LPA: variants seen among roughly 807,000 people sequenced by gnomAD.
The protein encoded by LPA is apolipoprotein(a).
LPA carries 199 observed loss-of-function variants against 197.9 expected under a neutral mutation model. The ratio of observed to expected loss-of-function variants is 1.01; its 90% confidence interval spans 0.90 to 1.13. LPA has a LOEUF of 1.13. LPA is among the 50% of genes most tolerant of loss of function. LPA has a pLI of 0.00. For synonymous variants in LPA, 715 were observed against 639.5 expected (o/e 1.12, Z -1.78); for missense variants, 1,853 against 1,785.8 (o/e 1.04, Z -0.68).
rs76116530 is a variant in LPA at position 160,544,713 on chromosome 6, G to A, written c.5398+727C>T. 4.1e-3 allele frequency among the ~76,000 whole-genome samples: 631 copies of A among 152,240 alleles called. 8 individuals are homozygous for A. The highest frequency in any genetic ancestry group is 0.015 in the African/African-American group (619 of 41,532). On this transcript the variant is annotated intron_variant, in intron 33 of 38. Coordinates refer to ENST00000316300, the MANE Select transcript of LPA (RefSeq NM_005577.4). ...AGTCCAGGGTGGTGTTCTGTAACTC[G>A]GACAGACAAGTTGATTGGTCAGCAG...
intron 26 of LPA, among the ~76,000 whole-genome samples, chr6:160,579,849 G>A (rs997807531): frequency 6.6e-6 from 1 of 152,188 alleles, no homozygotes; most frequent in African/African-American, 2.4e-5. Flanking sequence ...AAGTGATGTA[G>A]CACCTGAAAC....
chr6:160,651,329 G>A (rs1780002222), intron 1 of LPA, among the ~76,000 whole-genome samples: 1 of 152,196 alleles, frequency 6.6e-6, no homozygotes, highest in Non-Finnish European at 1.5e-5. Context: ...TGTAGTGCAG[G>A]CATGCAGTGA....
chr6:160,577,336 G>A (rs780346558), intron 27 of LPA, 41 bp from the exon 28 acceptor site: 1 of 1,590,568 alleles, frequency 6.3e-7, no homozygotes, highest in Non-Finnish European at 8.6e-7. Context: ...GTAATTGCAT[G>A]AGCAGAGAAA....
chr6:160,552,068 A>G (rs978299189), intron 30 of LPA, among the ~76,000 whole-genome samples: 34 of 152,078 alleles, frequency 2.2e-4, no homozygotes, highest in Non-Finnish European at 1.6e-4. Context: ...GCAAGTCATC[A>G]CATCGATCTA....
chr6:160,548,360 G>T (rs969800525), intron 31 of LPA, 118 bp downstream of exon 31: 1 of 1,021,058 alleles, frequency 9.8e-7, no homozygotes, highest in African/African-American at 1.6e-5. Flanking sequence ...ACCAACACTC[G>T]AGCTCCCGTG....
chr6:160,594,053 G>C lies in LPA; in HGVS notation c.3534C>G (p.Gly1178=). ...CYHGDGQSYR[G]SFSTTVTGRT... ...TTCCTGTGACAGTGGTAGAGAATGA[G>C]CCTCGATAACTCTGTCCATCACCAT... is the stretch of plus-strand genomic sequence containing the variant. Residue 1178 remains glycine (G), a synonymous_variant, in exon 22 of 39, where the codon GGC becomes GGG. Coordinates refer to ENST00000316300, the MANE Select transcript of LPA (RefSeq NM_005577.4). 6.2e-7 allele frequency: 1 copy of C among 1,613,982 alleles called. No individual in the cohort carries two copies.
At chr6:160,533,192 G>A (rs370507599) in intron 37 of LPA, among the ~76,000 whole-genome samples, 2 of 152,092 alleles carry the variant, frequency 1.3e-5, no homozygotes, top group Admixed American at 6.5e-5. Flanking sequence ...ATATGGTGAC[G>A]GTTGCACACC....
At chr6:160,579,508 A>G (rs1199741786) in intron 26 of LPA, among the ~76,000 whole-genome samples, 2 of 152,170 alleles carry the variant, frequency 1.3e-5, no homozygotes, top group African/African-American at 4.8e-5. Context: ...GCATAAAGGG[A>G]GACGGCTAGG....
At chr6:160,646,967 G>T (rs1490525746) in intron 2 of LPA, among the ~76,000 whole-genome samples, 1 of 152,136 alleles carries the variant, frequency 6.6e-6, no homozygotes, top group Non-Finnish European at 1.5e-5. Flanking sequence ...CCATGGAAAA[G>T]CATTGTGCAA....
intron 25 of LPA, 51 bp from the exon 26 acceptor site, chr6:160,585,256 G>A (rs191418928): frequency 6.3e-6 from 10 of 1,592,380 alleles, no homozygotes. Flanking sequence ...AAAGGGAAAT[G>A]TGAAAAAAAT....
intron 36 of LPA, among the ~76,000 whole-genome samples, chr6:160,538,257 G>A (rs1777923839): frequency 6.6e-6 from 1 of 152,200 alleles, no homozygotes; most frequent in African/African-American, 2.4e-5. Context: ...TATATTCTGT[G>A]CACGATTGGA....
At chr6:160,597,541 T>C (rs1182064701) in intron 20 of LPA, among the ~76,000 whole-genome samples, 1 of 152,234 alleles carries the variant, frequency 6.6e-6, no homozygotes, top group Non-Finnish European at 1.5e-5. Flanking sequence ...ATTTTTCAGT[T>C]AATTTTTTCC....
chr6:160,555,524 T>C (rs1192759876), intron 30 of LPA, among the ~76,000 whole-genome samples: 1 of 148,096 alleles, frequency 6.8e-6, no homozygotes, highest in African/African-American at 2.5e-5. Context: ...TATGAACATA[T>C]ATATGAATAC....
chr6:160,602,791 C>CT (rs945032776), intron 18 of LPA, among the ~76,000 whole-genome samples: 3 of 151,970 alleles, frequency 2.0e-5, no homozygotes, highest in East Asian at 1.9e-4. Context: ...CATTTGATCT[C>CT]TTTTTTTTCT....
chr6:160,572,263 T>C (rs1222845317), intron 28 of LPA, among the ~76,000 whole-genome samples: 3 of 152,124 alleles, frequency 2.0e-5, no homozygotes, highest in Non-Finnish European at 4.4e-5. Context: ...AATGCAGAAA[T>C]GACCCACCCT....
chr6:160,542,898 T>C, intron 33 of LPA, 90 bp from the exon 34 acceptor site: 1 of 1,561,062 alleles, frequency 6.4e-7, no homozygotes, highest in Non-Finnish European at 8.8e-7. Flanking sequence ...GCACTAGTTT[T>C]TCACATCTCA....
rs1207257222 is a variant in LPA at position 160,615,307 on chromosome 6, A to T, written c.2261+1810T>A. Among the ~76,000 whole-genome samples the T allele has an allele frequency of 3.8e-4, 55 of 144,890 alleles. 1 individual carries two copies. Among genetic ancestry groups the T allele is most frequent in the African/African-American group, 1.4e-3 (51 of 37,454 alleles). ...GGTGCGCGTGTCTGTGTGTGTTAGA[A>T]CTTGTGAGTTTCTGCGTGTGTGTGA... is the stretch of plus-strand genomic sequence containing the variant. On this transcript the variant is annotated intron_variant, in intron 14 of 38. Coordinates refer to ENST00000316300, the MANE Select transcript of LPA (RefSeq NM_005577.4).
At position 160,537,880 on chromosome 6, in the gene LPA, G is replaced by A; in HGVS notation, c.5817C>T (p.Tyr1939=). ...CTTGGGTTTCTCCCCAGCCAGTGAT[G>A]TAACATTCAGTCCTGGCGGTGACCA... is the stretch of plus-strand genomic sequence containing the variant. The part of the protein sequence containing the change: ...DYMVTARTEC[Y]ITGWGETQGT... Residue 1939 remains tyrosine, a synonymous_variant, in exon 37 of 39, where the codon TAC becomes TAT. Coordinates refer to ENST00000316300, the MANE Select transcript of LPA (RefSeq NM_005577.4). 2 of 1,614,238 alleles carry A rather than the reference G, an allele frequency of 1.2e-6. No individual in the cohort carries two copies.
chr6:160,603,396 T>C (rs1779283867), intron 18 of LPA, among the ~76,000 whole-genome samples: 1 of 152,184 alleles, frequency 6.6e-6, no homozygotes, highest in African/African-American at 2.4e-5. Flanking sequence ...TCTCACTCCA[T>C]TGGGAATACA....
Sources: allele counts gnomAD v4.1 joint callset (sites outside exome capture counted in the v4.1 genomes callset), GRCh38; gene constraint gnomAD v4.1.1; transcripts MANE v1.5; gene names NCBI Gene and HGNC (gene_info 2026-07-23, HGNC 2026-07-21).